The following TUBB6 variants were observed in gnomAD, a reference collection of about 807,000 sequenced individuals.
TUBB6 encodes tubulin beta 6 class V.
TUBB6 carries 18 observed loss-of-function variants against 32.3 expected under a neutral mutation model. That is an observed-to-expected ratio of 0.56 (90% CI 0.39 to 0.83). TUBB6 has a LOEUF of 0.83. Ranked by LOEUF, TUBB6 falls within the 40% of genes least tolerant of loss-of-function variation. TUBB6 has a pLI of 0.00. For synonymous variants in TUBB6, 280 were observed against 265.8 expected, an observed-to-expected ratio of 1.05 and a Z score of -0.52; for missense variants, 480 against 632.0, an observed-to-expected ratio of 0.76 and a Z score of 2.58.
At chr18:12,311,871 G>A (rs1353097673) in intron 3 of TUBB6, among the ~76,000 whole-genome samples, 1 of 152,000 alleles carries the variant, frequency 6.6e-6, no homozygotes, top group Non-Finnish European at 1.5e-5. Flanking sequence ...TGGCAGATTT[G>A]GAAGTTTCCC....
Position 12,309,155 on chromosome 18 carries a change from A to G in TUBB6, c.166+360A>G, listed in dbSNP as rs368777881. The stretch of plus-strand genomic sequence containing the variant: ...CATTTGGGGCCAGGAGTTCAGGACC[A>G]GCCTGGGCAGCATAGGAGACCACCC... On this transcript the variant is annotated intron_variant, in intron 2 of 3. Transcript: ENST00000317702. Among the ~76,000 whole-genome samples the G allele has an allele frequency of 4.4e-3, 664 of 152,114 alleles. 7 individuals carry two copies. The highest frequency in any genetic ancestry group is 0.015 in the African/African-American group (619 of 41,500).
At position 12,308,728 on chromosome 18, in the gene TUBB6, C is replaced by G. The variant is rs747132656; in HGVS notation, c.99C>G (p.Ala33=). ...VISDEHGIDP[A]GGYVGDSALQ... is the part of the protein sequence containing the mutation. ...GCGATGAGCACGGCATCGACCCGGC[C>G]GGAGGCTACGTGGGAGACTCGGCGC... The change falls in exon 2 of 4, where the codon GCC becomes GCG. Residue 33 remains alanine, a synonymous_variant. Transcript: ENST00000317702. 5 of 1,613,308 alleles carry G rather than the reference C, an allele frequency of 3.1e-6. No individual in the cohort carries two copies. The highest frequency in any genetic ancestry group is 3.4e-6 in the Non-Finnish European group (4 of 1,179,478).
upstream of TUBB6, chr18:12,308,095 G>A (rs1906083015): frequency 6.0e-6 from 1 of 167,372 alleles, no homozygotes; most frequent in South Asian, 1.8e-4. Context: ...CCCCCGACTG[G>A]CGCCCGCGCG....
At chr18:12,319,887 C>T (rs931784343) in intron 3 of TUBB6, among the ~76,000 whole-genome samples, 2 of 151,724 alleles carry the variant, frequency 1.3e-5, no homozygotes, top group Admixed American at 1.3e-4. Flanking sequence ...CCCGGGTTCA[C>T]GCCATTCTCC....
downstream of TUBB6, among the ~76,000 whole-genome samples, chr18:12,328,465 C>CACATA: frequency 1.3e-5 from 2 of 152,312 alleles, no homozygotes; most frequent in East Asian, 3.9e-4. Context: ...TTTCTGGAAG[C>CACATA]ACATAACCAA....
At chr18:12,328,157 C>A (rs1359777276), downstream of TUBB6, among the ~76,000 whole-genome samples, 1 of 152,228 alleles carries the variant, frequency 6.6e-6, no homozygotes, top group Admixed American at 6.5e-5. Flanking sequence ...CTGCCGGGGA[C>A]AGGTGGGTAT....
chr18:12,308,770 C>T lies in TUBB6; in HGVS notation c.141C>T (p.Ile47=). The T allele has an allele frequency of 2.5e-6, 4 of 1,611,104 alleles. No homozygotes were observed. The highest frequency in any genetic ancestry group is 3.4e-6 in the Non-Finnish European group (4 of 1,177,572). The part of the protein sequence containing the change: ...VGDSALQLER[I]NVYYNESSSQ... Reference sequence around the variant, plus strand: ...ACTCGGCGCTGCAGCTGGAGAGAATCAACGTCTACTACAATGAGTCATCGT... The same window carrying T: ...ACTCGGCGCTGCAGCTGGAGAGAATTAACGTCTACTACAATGAGTCATCGT... The change falls in exon 2 of 4, where the codon ATC becomes ATT. Residue 47 remains isoleucine, a synonymous_variant. Transcript: ENST00000317702.
intron 3 of TUBB6, chr18:12,324,853 A>G: frequency 1.4e-6 from 2 of 1,386,766 alleles, no homozygotes; most frequent in Non-Finnish European, 1.9e-6. Flanking sequence ...ATGTATATAC[A>G]TCTTTAAAAT....
chr18:12,312,115 A>T (rs555182912), intron 3 of TUBB6, among the ~76,000 whole-genome samples: 1 of 152,342 alleles, frequency 6.6e-6, no homozygotes, highest in South Asian at 2.1e-4. Context: ...AGATAGTTTA[A>T]TAGAGGGTAA....
At chr18:12,323,070 C>G (rs1428080584) in intron 3 of TUBB6, among the ~76,000 whole-genome samples, 1 of 151,896 alleles carries the variant, frequency 6.6e-6, no homozygotes, top group Non-Finnish European at 1.5e-5. Context: ...TGTTCATTAG[C>G]CAAGTGTAGT....
intron 2 of TUBB6, 25 bp from the exon 3 acceptor site, chr18:12,310,918 T>G: frequency 1.3e-6 from 2 of 1,534,500 alleles, no homozygotes; most frequent in South Asian, 1.2e-5. Context: ...AAGTAACTCT[T>G]GTGGGTGGTT....
intron 1 of TUBB6, 70 bp downstream of exon 1, chr18:12,308,419 C>A: frequency 8.3e-7 from 1 of 1,198,060 alleles, no homozygotes; most frequent in Non-Finnish European, 1.1e-6. Flanking sequence ...CCCGGCGCGA[C>A]CCCCGCCGGG....
At chr18:12,315,808 C>T (rs1023339235) in intron 3 of TUBB6, among the ~76,000 whole-genome samples, 1 of 152,216 alleles carries the variant, frequency 6.6e-6, no homozygotes, top group Non-Finnish European at 1.5e-5. Flanking sequence ...TATAATTCTA[C>T]ATAGTTGAGT....
intron 2 of TUBB6, among the ~76,000 whole-genome samples, 161 bp from the exon 3 acceptor site, chr18:12,310,782 C>T (rs905049800): frequency 1.3e-5 from 2 of 152,184 alleles, no homozygotes; most frequent in Non-Finnish European, 2.9e-5. Flanking sequence ...AGCCAGTGCG[C>T]CCAGCCAATT....
At chr18:12,324,981 A>T (rs762304894) in intron 3 of TUBB6, 86 bp from the exon 4 acceptor site, 21 of 1,512,026 alleles carry the variant, frequency 1.4e-5, no homozygotes, top group Non-Finnish European at 1.7e-5. Context: ...TCATGGAATC[A>T]CTTCACACCC....
At chr18:12,314,500 T>C (rs1342743504) in intron 3 of TUBB6, among the ~76,000 whole-genome samples, 1 of 152,090 alleles carries the variant, frequency 6.6e-6, no homozygotes, top group Non-Finnish European at 1.5e-5. Flanking sequence ...CACCTCTTCT[T>C]TGATAGGCAG....
Position 12,311,007 on chromosome 18 carries a change from G to T in TUBB6, c.231G>T (p.Arg77=). 1 of 1,613,826 alleles carries T rather than the reference G, an allele frequency of 6.2e-7. No homozygotes were observed. The highest frequency in any genetic ancestry group is 8.5e-7 in the Non-Finnish European group (1 of 1,179,824). The part of the protein sequence containing the change: ...DLEPGTMDSV[R]SGPFGQLFRP... ...AGCCAGGCACCATGGACAGCGTGCG[G>T]TCTGGGCCTTTTGGGCAGCTTTTCC... Residue 77 remains arginine (R), a synonymous_variant, in exon 3 of 4, where the codon CGG becomes CGT. Transcript: ENST00000317702.
At chr18:12,310,490 CAAAA>C (rs11315396) in intron 2 of TUBB6, among the ~76,000 whole-genome samples, 14 of 104,352 alleles carry the variant, frequency 1.3e-4, no homozygotes, top group Admixed American at 2.0e-4. Context: ...GACTCCATCG[CAAAA>C]AAAAAAAAAA....
rs1286017709 is a variant in TUBB6, at chr18:12,311,117, G to A, written c.277+64G>A. 2.9e-6 allele frequency: 4 copies of A among 1,356,598 alleles called. No homozygotes were observed. The South Asian group carries it at 3.8e-5, about 13-fold the overall frequency. The allele number at this position is 1,356,598 out of a possible 1,614,324, so 84.0% of individuals were successfully genotyped here. A position where few individuals can be genotyped will look rare whatever the true frequency, so the allele number is the denominator to read the frequency against. On this transcript the variant is annotated intron_variant, in intron 3 of 3. Transcript: ENST00000317702. ...TTTTTTTAAATCAAATATTTTATAT[G>A]CCAGATTTAAAGCATCATGTGTCAT...
Sources: gnomAD v4.1 joint callset for allele counts (sites outside exome capture counted in the v4.1 genomes callset) on GRCh38, gnomAD v4.1.1 for gene constraint, MANE v1.5 for transcripts, NCBI Gene and HGNC (gene_info 2026-07-23, HGNC 2026-07-21) for gene names.